DPY19L2: variants seen among roughly 807,000 people sequenced by gnomAD.
DPY19L2 encodes dpy-19 like 2.
In DPY19L2, 34 loss-of-function variants were observed where a neutral mutation model predicts 97.9. The observed-to-expected ratio is 0.35, with a 90% CI of 0.26 to 0.46. DPY19L2 has a LOEUF of 0.46. Among genes scored for constraint, DPY19L2 ranks in the 20% least tolerant of loss-of-function variants. The pLI is 1.00. For missense variants in DPY19L2, 623 were observed against 911.4 expected, an observed-to-expected ratio of 0.68 and a Z score of 4.07; for synonymous variants, 230 against 307.9, an observed-to-expected ratio of 0.75 and a Z score of 2.65.
intron 13 of DPY19L2, among the ~76,000 whole-genome samples, chr12:63,598,157 A>T (rs1188825333): frequency 6.6e-6 from 1 of 151,976 alleles, no homozygotes; most frequent in East Asian, 1.9e-4. Context: ...AGAAAAAACA[A>T]AGAGAAGATG....
At chr12:63,664,702 T>C (rs1896116716) in intron 2 of DPY19L2, among the ~76,000 whole-genome samples, 1 of 152,178 alleles carries the variant, frequency 6.6e-6, no homozygotes, top group Admixed American at 6.5e-5. Flanking sequence ...ATAAACAAAA[T>C]TAGCTATGGT....
intron 4 of DPY19L2, among the ~76,000 whole-genome samples, chr12:63,651,081 G>A (rs1242728695): frequency 6.6e-6 from 1 of 151,990 alleles, no homozygotes; most frequent in East Asian, 1.9e-4. Context: ...ACAGAATAGA[G>A]AGCCCAGAAA....
At chr12:63,639,816 A>G (rs1892390736) in intron 6 of DPY19L2, among the ~76,000 whole-genome samples, 1 of 152,188 alleles carries the variant, frequency 6.6e-6, no homozygotes, top group Admixed American at 6.5e-5. Flanking sequence ...ATCTAGAACT[A>G]GAAATACCAT....
At chr12:63,563,739 C>A (rs1441571091) in intron 21 of DPY19L2, among the ~76,000 whole-genome samples, 1 of 151,994 alleles carries the variant, frequency 6.6e-6, no homozygotes, top group Admixed American at 6.6e-5. Context: ...TGTAATGTTT[C>A]TCTCATGTTG....
intron 13 of DPY19L2, among the ~76,000 whole-genome samples, chr12:63,599,318 A>G (rs1348065150): frequency 6.6e-6 from 1 of 152,160 alleles, no homozygotes; most frequent in African/African-American, 2.4e-5. Context: ...CATAAGACAT[A>G]TATAATAAAG....
chr12:63,667,509 G>C (rs990468788), intron 1 of DPY19L2, among the ~76,000 whole-genome samples: 5 of 152,080 alleles, frequency 3.3e-5, no homozygotes, highest in African/African-American at 1.2e-4. Context: ...CCTGGACCAC[G>C]GCATCCTATC....
Position 63,575,715 on chromosome 12 carries a change from T to C in DPY19L2, c.1901-4858A>G, listed in dbSNP as rs527685248. Among the ~76,000 whole-genome samples, 13 of 151,978 alleles carry C rather than the reference T, an allele frequency of 8.6e-5. No homozygotes were observed. In the East Asian group the frequency reaches 2.1e-3, roughly 25 times the overall value. On this transcript the variant is annotated intron_variant, in intron 19 of 21. Coordinates refer to ENST00000324472, the MANE Select transcript of DPY19L2 (RefSeq NM_173812.5). ...ACATAGAAATGGATAAATCCCTAGA[T>C]ACATAAAACCTACCAAGATTGAACT...
At chr12:63,651,044 AC>A (rs922102246) in intron 4 of DPY19L2, among the ~76,000 whole-genome samples, 1 of 152,174 alleles carries the variant, frequency 6.6e-6, no homozygotes, top group African/African-American at 2.4e-5. Context: ...TGGTGCTAGC[AC>A]AAAAACACAC....
intron 13 of DPY19L2, 93 bp downstream of exon 13, chr12:63,600,213 T>C (rs1884907799): frequency 2.8e-6 from 3 of 1,071,610 alleles, no homozygotes; most frequent in African/African-American, 3.1e-5. Flanking sequence ...ACTTAACCTC[T>C]GTAAAATGAA....
chr12:63,594,661 TG>T (rs1883897238), intron 15 of DPY19L2, among the ~76,000 whole-genome samples: 1 of 151,822 alleles, frequency 6.6e-6, no homozygotes, highest in Non-Finnish European at 1.5e-5. Context: ...TCTGTGTGTG[TG>T]TGTGTGTGTA....
intron 12 of DPY19L2, among the ~76,000 whole-genome samples, chr12:63,603,260 G>A (rs117091658): frequency 0.03 from 4,490 of 152,180 alleles, 104 homozygotes; most frequent in Middle Eastern, 0.082. Context: ...AAATACACAT[G>A]GGAAGAATAG....
At chr12:63,628,524 C>T (rs937924289) in intron 6 of DPY19L2, among the ~76,000 whole-genome samples, 10 of 152,200 alleles carry the variant, frequency 6.6e-5, no homozygotes, top group Middle Eastern at 3.4e-3. Context: ...GGGGGAGGGG[C>T]ACCCACCATG....
chr12:63,583,794 T>C lies in DPY19L2; in HGVS notation c.1605+18A>G. ...ATTTAATACACAAGTCTACCAGAGA[T>C]TAAAATGAAAGCTTTACCTCACTGT... is the stretch of plus-strand genomic sequence containing the variant. On this transcript the variant is annotated intron_variant, in intron 17 of 21. Coordinates refer to ENST00000324472, the MANE Select transcript of DPY19L2 (RefSeq NM_173812.5). 1.2e-6 allele frequency: 2 copies of C among 1,609,578 alleles called. No individual in the cohort carries two copies. Among genetic ancestry groups the C allele is most frequent in the East Asian group, 2.2e-5 (1 of 44,772 alleles).
intron 4 of DPY19L2, among the ~76,000 whole-genome samples, chr12:63,649,744 G>A (rs1282014123): frequency 4.6e-5 from 7 of 152,094 alleles, no homozygotes; most frequent in African/African-American, 1.7e-4. Context: ...AATTCTACCA[G>A]ACATAAAAGG....
At chr12:63,645,738 C>G (rs532323748) in intron 5 of DPY19L2, among the ~76,000 whole-genome samples, 30 of 152,286 alleles carry the variant, frequency 2.0e-4, no homozygotes, top group African/African-American at 6.5e-4. Context: ...CAAATTCTCT[C>G]TCATACCCAG....
intron 16 of DPY19L2, among the ~76,000 whole-genome samples, chr12:63,590,318 G>C (rs1344727061): frequency 6.6e-6 from 1 of 151,962 alleles, no homozygotes; most frequent in East Asian, 1.9e-4. Context: ...CAGAGAAATG[G>C]ACACTCTCAT....
rs1350409473 is a variant in DPY19L2 at position 63,559,018 on chromosome 12, C to T, written c.*1494G>A. 6.6e-6 allele frequency: 1 copy of T among 152,020 alleles called. No individual in the cohort carries two copies. The highest frequency in any genetic ancestry group is 1.9e-4 in the East Asian group (1 of 5,188). The allele number at this position is 152,020 out of a possible 1,614,324, so 9.4% of individuals were successfully genotyped here. A position where few individuals can be genotyped will look rare whatever the true frequency, so the allele number is the denominator to read the frequency against. On this transcript the variant is annotated 3_prime_UTR_variant, in exon 22 of 22. Transcript: ENST00000324472. ...AGTACCATTTTAAAAGTTCTACCAA[C>T]TTATTTAAAATATTTCCTGTAAAAA... is the stretch of plus-strand genomic sequence containing the variant.
At chr12:63,629,985 G>C (rs2137916458) in intron 6 of DPY19L2, among the ~76,000 whole-genome samples, 1 of 152,202 alleles carries the variant, frequency 6.6e-6, no homozygotes, top group East Asian at 1.9e-4. Context: ...AAGTGAAGGA[G>C]AAATAAAATC....
intron 6 of DPY19L2, among the ~76,000 whole-genome samples, chr12:63,638,801 G>T (rs1168994543): frequency 6.6e-6 from 1 of 152,074 alleles, no homozygotes; most frequent in South Asian, 2.1e-4. Context: ...TAGATTCAAT[G>T]CCATCCCCAT....
Sources: gnomAD v4.1 joint callset for allele counts (sites outside exome capture counted in the v4.1 genomes callset) on GRCh38, gnomAD v4.1.1 for gene constraint, MANE v1.5 for transcripts, NCBI Gene and HGNC (gene_info 2026-07-23, HGNC 2026-07-21) for gene names.